Variants in FTO observed in about 807,000 individuals in gnomAD.
The protein encoded by FTO is alpha-ketoglutarate-dependent dioxygenase FTO.
Under a neutral mutation model 63.9 loss-of-function variants are expected in FTO, and 47 were observed. That is an observed-to-expected ratio of 0.74 (90% CI 0.58 to 0.94). FTO has a LOEUF of 0.94. FTO is among the 40% of genes least tolerant of loss of function. The pLI, the probability that FTO is intolerant of heterozygous loss-of-function variation, is 0.00. For missense variants in FTO, 562 were observed against 618.1 expected (o/e 0.91, Z 0.96); for synonymous variants, 207 against 224.4 (o/e 0.92, Z 0.69).
intron 8 of FTO, among the ~76,000 whole-genome samples, chr16:54,025,624 G>T (rs1224756299): frequency 6.6e-6 from 1 of 152,142 alleles, no homozygotes; most frequent in Non-Finnish European, 1.5e-5. Flanking sequence ...TTGGGAGGCT[G>T]AGGTGGGAGG....
chr16:53,897,401 A>G (rs1011885342), intron 7 of FTO, among the ~76,000 whole-genome samples: 1 of 152,198 alleles, frequency 6.6e-6, no homozygotes, highest in Non-Finnish European at 1.5e-5. Context: ...GGCACTATTC[A>G]TAATTAAATT....
intron 7 of FTO, among the ~76,000 whole-genome samples, chr16:53,898,057 A>G (rs948383882): frequency 6.6e-6 from 1 of 152,152 alleles, no homozygotes; most frequent in East Asian, 1.9e-4. Flanking sequence ...CCCTATGTCC[A>G]TCCCAGTCAG....
chr16:54,083,949 A>C (rs1056370822), intron 8 of FTO, among the ~76,000 whole-genome samples: 8 of 152,200 alleles, frequency 5.3e-5, no homozygotes, highest in Non-Finnish European at 1.2e-4. Flanking sequence ...AAGCATCCCT[A>C]ATCCAAAATC....
In FTO at chr16:54,112,821, G is replaced by A. The variant is rs1362378107; in HGVS notation, c.*906G>A. The A allele has an allele frequency of 2.6e-5, 4 of 152,160 alleles. No homozygotes were observed. The highest frequency in any genetic ancestry group is 9.7e-5 in the African/African-American group (4 of 41,438). The allele number at this position is 152,160 out of a possible 1,614,324, so 9.4% of individuals were successfully genotyped here. A position where few individuals can be genotyped will look rare whatever the true frequency, so the allele number is the denominator to read the frequency against. ...TTATTTCGTGGATTTCACCAGCATA[G>A]TATAGTTTTTTTCTGTAAGTCCCTC... On this transcript the variant is annotated 3_prime_UTR_variant, in exon 9 of 9. Coordinates refer to ENST00000471389, the MANE Select transcript of FTO (RefSeq NM_001080432.3).
At chr16:53,960,985 C>A (rs1198382903) in intron 8 of FTO, among the ~76,000 whole-genome samples, 2 of 152,074 alleles carry the variant, frequency 1.3e-5, no homozygotes, top group Non-Finnish European at 2.9e-5. Flanking sequence ...GTCATTCTAT[C>A]TTGGACTGGA....
chr16:53,879,824 T>G lies in FTO; in HGVS notation c.976-20T>G, dbSNP rs749201119. The G allele has an allele frequency of 1.2e-6, 2 of 1,613,658 alleles. No individual in the cohort carries two copies. On this transcript the variant is annotated intron_variant, in intron 5 of 8. Transcript: ENST00000471389. ...CTTAGATTTTGCCCATAATTGTGAT[T>G]GCTGGTTCTGTCTCAACAGTGCTCA...
At position 54,055,374 on chromosome 16, in the gene FTO, A is replaced by G. The variant is rs111875599; in HGVS notation, c.1365-56388A>G. Among the ~76,000 whole-genome samples, 546 of 152,336 alleles carry G rather than the reference A, an allele frequency of 3.6e-3. 4 individuals carry two copies. The highest frequency in any genetic ancestry group is 0.013 in the African/African-American group (520 of 41,578). ...AGGCCAGATGAGCAAAAGAAAGTGG[A>G]AAAGCAGTACAAGACCTTGATCCAG... is the stretch of plus-strand genomic sequence containing the variant. On this transcript the variant is annotated intron_variant, in intron 8 of 8. Transcript: ENST00000471389.
At chr16:53,817,918 G>A (rs1810491241) in intron 2 of FTO, among the ~76,000 whole-genome samples, 2 of 152,078 alleles carry the variant, frequency 1.3e-5, no homozygotes, top group Non-Finnish European at 2.9e-5. Flanking sequence ...TGAATCTCAA[G>A]AAATACAGTA....
At chr16:54,064,890 G>C (rs1344693017) in intron 8 of FTO, among the ~76,000 whole-genome samples, 1 of 152,044 alleles carries the variant, frequency 6.6e-6, no homozygotes, top group Non-Finnish European at 1.5e-5. Context: ...TTATTAACTT[G>C]AGAGCTAAGG....
At chr16:53,873,753 T>C in intron 4 of FTO, 33 bp from the exon 5 acceptor site, 5 of 1,529,950 alleles carry the variant, frequency 3.3e-6, no homozygotes, top group Non-Finnish European at 4.5e-6. Context: ...CTAATAAATA[T>C]GGTTTTATAC....
rs1014205147 is a variant in FTO at position 53,930,221 on chromosome 16, C to CTTTTTTT, written c.1240-3744_1240-3738dup. On this transcript the variant is annotated intron_variant, in intron 7 of 8. Coordinates refer to ENST00000471389, the MANE Select transcript of FTO (RefSeq NM_001080432.3). ...TTATATTTACTTTTATGATTATCTTCTTTTTTTTTTTTTTTTTTTTTTTTT... is the reference window on the plus strand; with the variant it reads ...TTATATTTACTTTTATGATTATCTTCTTTTTTTTTTTTTTTTTTTTTTTTTTTTTTTT... Among the ~76,000 whole-genome samples the CTTTTTTT allele has an allele frequency of 2.0e-4, 15 of 75,692 alleles. 3 individuals are homozygous for CTTTTTTT. Among genetic ancestry groups the CTTTTTTT allele is most frequent in the African/African-American group, 7.1e-4 (12 of 16,964 alleles). The allele number at this position is 75,692 out of a possible 152,430, so 49.7% of individuals were successfully genotyped here. A position where few individuals can be genotyped will look rare whatever the true frequency, so the allele number is the denominator to read the frequency against.
At chr16:53,845,024 CA>C (rs1450940132) in intron 4 of FTO, among the ~76,000 whole-genome samples, 1 of 151,848 alleles carries the variant, frequency 6.6e-6, no homozygotes, top group African/African-American at 2.4e-5. Context: ...AGCAGTTTCT[CA>C]GTTGTGGTTA....
chr16:53,914,999 G>A (rs1237647190), intron 7 of FTO, among the ~76,000 whole-genome samples: 6 of 152,230 alleles, frequency 3.9e-5, no homozygotes, highest in East Asian at 3.9e-4. Flanking sequence ...GGCCCCAAGC[G>A]TTCACCAAGC....
chr16:53,719,208 T>G (rs1172858112), intron 1 of FTO, among the ~76,000 whole-genome samples: 1 of 152,274 alleles, frequency 6.6e-6, no homozygotes, highest in East Asian at 1.9e-4. Flanking sequence ...TATTTGCCTG[T>G]TGGAAGTTTG....
chr16:53,869,777 A>G (rs7197983), intron 4 of FTO, among the ~76,000 whole-genome samples: 58,001 of 152,072 alleles, frequency 0.38, 12,623 homozygotes, highest in East Asian at 0.72. Flanking sequence ...CATGTCGTCT[A>G]CGTTGTCCTT....
At position 53,708,125 on chromosome 16, in the gene FTO, A is replaced by G. The variant is rs1332589361; in HGVS notation, c.45+3896A>G. Among the ~76,000 whole-genome samples the G allele has an allele frequency of 9.9e-5, 15 of 152,064 alleles. 1 individual carries two copies. ...TGTAATCCCAGCACTTTGGGAGGCCAAGGCAGGTGGATCACCTGAGGTCAG... is the reference window on the plus strand; with the variant it reads ...TGTAATCCCAGCACTTTGGGAGGCCGAGGCAGGTGGATCACCTGAGGTCAG... On this transcript the variant is annotated intron_variant, in intron 1 of 8. Coordinates refer to ENST00000471389, the MANE Select transcript of FTO (RefSeq NM_001080432.3).
chr16:54,016,775 T>A (rs1008318287), intron 8 of FTO, among the ~76,000 whole-genome samples: 3 of 152,174 alleles, frequency 2.0e-5, no homozygotes, highest in African/African-American at 7.2e-5. Flanking sequence ...TAATGGAGCA[T>A]CTCATGGCTT....
chr16:53,763,920 C>T (rs539834445), intron 1 of FTO, among the ~76,000 whole-genome samples: 26 of 152,252 alleles, frequency 1.7e-4, no homozygotes, highest in African/African-American at 4.3e-4. Context: ...GTTACCAAAG[C>T]GATGCCCTGG....
rs139741475 is a variant in FTO at position 53,794,447 on chromosome 16, C to T, written c.46-15693C>T. ...TTGAAGCGATGGTGCTGCAGAGGCT[C>T]TGGATGGAGAAACAGAAAGCTAGAT... On this transcript the variant is annotated intron_variant, in intron 1 of 8. Coordinates refer to ENST00000471389, the MANE Select transcript of FTO (RefSeq NM_001080432.3). Among the ~76,000 whole-genome samples the T allele has an allele frequency of 1.5e-3, 221 of 152,292 alleles. 2 individuals are homozygous for T. Among genetic ancestry groups the T allele is most frequent in the African/African-American group, 5.1e-3 (213 of 41,580 alleles).
Sources: allele counts gnomAD v4.1 joint callset (sites outside exome capture counted in the v4.1 genomes callset), GRCh38; gene constraint gnomAD v4.1.1; transcripts MANE v1.5; gene names NCBI Gene and HGNC (gene_info 2026-07-23, HGNC 2026-07-21).